The following NAA11 variants were observed in gnomAD, a reference collection of about 807,000 sequenced individuals.
NAA11 encodes N-alpha-acetyltransferase 11.
In NAA11, 15 loss-of-function variants were observed where a neutral mutation model predicts 16.1. The ratio of observed to expected loss-of-function variants is 0.93; its 90% CI spans 0.62 to 1.44. The LOEUF (loss-of-function observed/expected upper bound fraction) is 1.44, where lower values mean the gene tolerates loss of function less well. NAA11 is among the 40% of genes most tolerant of loss of function. The probability of loss-of-function intolerance (pLI) is 0.00; values close to 1 mark genes in which losing one functional copy is unlikely to be tolerated. For missense variants in NAA11, 298 were observed against 291.3 expected (o/e 1.02, Z -0.17); for synonymous variants, 122 against 112.4 (o/e 1.09, Z -0.54).
chr4:79,315,842 A>G (rs557301936), downstream of NAA11, among the ~76,000 whole-genome samples: 18 of 152,206 alleles, frequency 1.2e-4, no homozygotes, highest in Non-Finnish European at 2.6e-4. Context: ...CTATGCCCAA[A>G]GCAATATTAG....
intron 2 of NAA11, among the ~76,000 whole-genome samples, chr4:79,259,190 T>G (rs1474913962): frequency 6.6e-6 from 1 of 152,040 alleles, no homozygotes; most frequent in African/African-American, 2.4e-5. Context: ...GAAAGAGCTG[T>G]GACACAAGCA....
chr4:79,228,607 G>C (rs965116976), intron 2 of NAA11, among the ~76,000 whole-genome samples: 6 of 151,838 alleles, frequency 4.0e-5, no homozygotes, highest in African/African-American at 1.4e-4. Flanking sequence ...TCAGGGTAAT[G>C]CATTAAGATT....
chr4:79,325,898 C>G lies in NAA11; in HGVS notation c.-21G>C, dbSNP rs753104888. On this transcript the variant is annotated 5_prime_UTR_variant, in exon 1 of 2. Coordinates refer to ENST00000286794, the MANE Select transcript of NAA11 (RefSeq NM_032693.3). ...TTCATAATGGCAGAGGGTAGGGAAC[C>G]GGTTGGACTGCAGTGAACCCAGAAG... is the stretch of plus-strand genomic sequence containing the variant. The G allele has an allele frequency of 6.3e-7, 1 of 1,586,476 alleles. No homozygotes were observed. The highest frequency in any genetic ancestry group is 8.6e-7 in the Non-Finnish European group (1 of 1,165,198).
chr4:79,236,924 G>T (rs963332952), intron 2 of NAA11, among the ~76,000 whole-genome samples: 2 of 152,152 alleles, frequency 1.3e-5, no homozygotes, highest in Non-Finnish European at 2.9e-5. Flanking sequence ...TTGACAGGAA[G>T]ATGGGAAAAC....
the NAA11 span, among the ~76,000 whole-genome samples, chr4:79,175,708 G>A: frequency 1.5e-5 from 2 of 131,910 alleles, no homozygotes; most frequent in East Asian, 2.2e-4. Flanking sequence ...ATGCTCAATA[G>A]ACTATGCATA....
At chr4:79,162,762 G>C in the NAA11 span, among the ~76,000 whole-genome samples, 29 of 152,110 alleles carry the variant, frequency 1.9e-4, no homozygotes, top group Non-Finnish European at 2.9e-4. Flanking sequence ...TAAAAGGAGA[G>C]ACAGCATTAT....
chr4:79,250,541 T>C (rs1721971560), intron 2 of NAA11, among the ~76,000 whole-genome samples: 1 of 152,144 alleles, frequency 6.6e-6, no homozygotes, highest in Non-Finnish European at 1.5e-5. Context: ...GAAGGTAACC[T>C]AGGATATACC....
At chr4:79,276,110 G>T (rs1722640588) in intron 2 of NAA11, among the ~76,000 whole-genome samples, 1 of 152,116 alleles carries the variant, frequency 6.6e-6, no homozygotes, top group Admixed American at 6.5e-5. Flanking sequence ...ATCAGCCATA[G>T]AAACTGAGGC....
chr4:79,325,630 C>T lies in NAA11; in HGVS notation c.248G>A (p.Arg83His), dbSNP rs748343608. The T allele has an allele frequency of 6.2e-7, 1 of 1,614,048 alleles. No individual in the cohort carries two copies. The highest frequency in any genetic ancestry group is 8.5e-7 in the Non-Finnish European group (1 of 1,179,950). The part of the protein sequence containing the change: ...TSLAVKRSHR[R>H]LGLAQKLMDQ... ...CATCAGCTTCTGGGCCAGGCCGAGG[C>T]GCCGGTGTGAACGCTTCACGGCCAG... The change falls in exon 1 of 2, where the codon CGC becomes CAC. Residue 83 changes from arginine to histidine, a missense_variant. Transcript: ENST00000286794.
At chr4:79,170,932 A>C in the NAA11 span, among the ~76,000 whole-genome samples, 3 of 44,302 alleles carry the variant, frequency 6.8e-5, no homozygotes, top group African/African-American at 1.1e-4. Context: ...TCACAAAAAA[A>C]CAAAAAAAAA....
chr4:79,178,659 C>T, the NAA11 span, among the ~76,000 whole-genome samples: 1 of 152,116 alleles, frequency 6.6e-6, no homozygotes, highest in Non-Finnish European at 1.5e-5. Context: ...GGAGAAGATA[C>T]ATAGTATACA....
the NAA11 span, among the ~76,000 whole-genome samples, chr4:79,181,595 C>T: frequency 6.6e-6 from 1 of 152,132 alleles, no homozygotes; most frequent in South Asian, 2.1e-4. Flanking sequence ...AATTTTACTC[C>T]AGGGGCACAT....
rs752354934 is a variant in NAA11, at chr4:79,325,572, A to T, written c.306T>A (p.Phe102Leu). ...CGTGCAGAGACACGTATTTGGCGTT[A>T]AAGTTCTCTATCATGGCCCTGGAGG... ...DQASRAMIENFNAKYVSLHVR... is the reference protein window; with the variant it reads ...DQASRAMIENLNAKYVSLHVR... Residue 102 changes from phenylalanine to leucine, a missense_variant, in exon 1 of 2, where the codon TTT (phenylalanine) becomes TTA (leucine). Coordinates refer to ENST00000286794, the MANE Select transcript of NAA11 (RefSeq NM_032693.3). 1 of 1,614,088 alleles carries T rather than the reference A, an allele frequency of 6.2e-7. No individual in the cohort carries two copies. The highest frequency in any genetic ancestry group is 8.5e-7 in the Non-Finnish European group (1 of 1,179,954).
intron 2 of NAA11, among the ~76,000 whole-genome samples, chr4:79,284,011 C>T (rs1722854830): frequency 6.6e-6 from 1 of 151,984 alleles, no homozygotes; most frequent in African/African-American, 2.4e-5. Flanking sequence ...GATTGAGGAA[C>T]TTGGAAAACA....
chr4:79,249,655 A>G (rs1352787257), intron 2 of NAA11, among the ~76,000 whole-genome samples: 1 of 152,252 alleles, frequency 6.6e-6, no homozygotes, highest in African/African-American at 2.4e-5. Flanking sequence ...TGTCCCTGAA[A>G]GAAAGAGAAA....
At chr4:79,263,663 T>G (rs190193722) in intron 2 of NAA11, among the ~76,000 whole-genome samples, 140 of 152,308 alleles carry the variant, frequency 9.2e-4, no homozygotes, top group African/African-American at 3.2e-3. Context: ...CTTCTTTCCC[T>G]CTGTCATATT....
At chr4:79,237,208 G>A (rs1721588620) in intron 2 of NAA11, among the ~76,000 whole-genome samples, 1 of 152,130 alleles carries the variant, frequency 6.6e-6, no homozygotes, top group South Asian at 2.1e-4. Flanking sequence ...CAGCTATAGA[G>A]GTTACCAACA....
chr4:79,174,115 G>A, the NAA11 span, among the ~76,000 whole-genome samples: 2 of 152,110 alleles, frequency 1.3e-5, no homozygotes, highest in Non-Finnish European at 2.9e-5. Flanking sequence ...CTTATGTGAA[G>A]AACAAATTGT....
chr4:79,259,806 G>A (rs1175229561), intron 2 of NAA11, among the ~76,000 whole-genome samples: 1 of 152,168 alleles, frequency 6.6e-6, no homozygotes, highest in Non-Finnish European at 1.5e-5. Context: ...AAAAGGCTTG[G>A]TGCAGATAGC....
Sources: gnomAD v4.1 joint callset for allele counts (sites outside exome capture counted in the v4.1 genomes callset) on GRCh38, gnomAD v4.1.1 for gene constraint, MANE v1.5 for transcripts, NCBI Gene and HGNC (gene_info 2026-07-23, HGNC 2026-07-21) for gene names.